PLXDC2: variants seen among roughly 807,000 people sequenced by gnomAD.
The protein encoded by PLXDC2 is plexin domain-containing protein 2.
A neutral mutation model predicts 68.9 loss-of-function variants in PLXDC2; 40 were observed. The ratio of observed to expected loss-of-function variants is 0.58; its 90% CI spans 0.45 to 0.76. The LOEUF (loss-of-function observed/expected upper bound fraction) is 0.76, where lower values mean the gene tolerates loss of function less well. Ranked by LOEUF, PLXDC2 falls within the 30% of genes least tolerant of loss-of-function variation. PLXDC2 has a pLI of 0.00. For missense variants in PLXDC2, 644 were observed against 661.9 expected (o/e 0.97, Z 0.30); for synonymous variants, 243 against 234.2 (o/e 1.04, Z -0.34).
chr10:20,067,804 A>C (rs956842264), intron 3 of PLXDC2, among the ~76,000 whole-genome samples: 30 of 152,330 alleles, frequency 2.0e-4, no homozygotes, highest in African/African-American at 6.3e-4. Flanking sequence ...TAATAATGTA[A>C]CATAAAATCT....
At chr10:20,192,179 G>A (rs976970668) in intron 9 of PLXDC2, among the ~76,000 whole-genome samples, 88 of 151,972 alleles carry the variant, frequency 5.8e-4, no homozygotes, top group African/African-American at 2.0e-3. Flanking sequence ...TTGTAGAAGA[G>A]ATGAAAAAGC....
At chr10:20,035,680 A>G (rs1393106629) in intron 2 of PLXDC2, among the ~76,000 whole-genome samples, 1 of 152,148 alleles carries the variant, frequency 6.6e-6, no homozygotes, top group Non-Finnish European at 1.5e-5. Flanking sequence ...TTGGTGACAG[A>G]GTGAGACTCT....
chr10:19,855,783 T>C (rs758951113), intron 1 of PLXDC2, among the ~76,000 whole-genome samples: 11 of 152,192 alleles, frequency 7.2e-5, no homozygotes, highest in Non-Finnish European at 1.2e-4. Flanking sequence ...AAAGCAAGTA[T>C]TCAAAAATTG....
chr10:20,215,345 T>C (rs2131861226), intron 10 of PLXDC2, among the ~76,000 whole-genome samples: 1 of 152,078 alleles, frequency 6.6e-6, no homozygotes, highest in South Asian at 2.1e-4. Flanking sequence ...AAGAGCAAGA[T>C]TGTCATAAAA....
intron 2 of PLXDC2, among the ~76,000 whole-genome samples, chr10:20,015,436 GGATTT>G (rs1280552352): frequency 2.2e-4 from 33 of 152,192 alleles, no homozygotes; most frequent in Non-Finnish European, 3.5e-4. Context: ...TTATTTCAAA[GGATTT>G]TAAAAATGAC....
intron 1 of PLXDC2, among the ~76,000 whole-genome samples, chr10:19,933,957 A>C (rs566722892): frequency 6.6e-6 from 1 of 152,288 alleles, no homozygotes; most frequent in African/African-American, 2.4e-5. Context: ...AAATGAAATT[A>C]CTTTGAGCAA....
At chr10:19,924,690 G>C (rs1833510090) in intron 1 of PLXDC2, among the ~76,000 whole-genome samples, 2 of 152,170 alleles carry the variant, frequency 1.3e-5, no homozygotes, top group Non-Finnish European at 1.5e-5. Context: ...ATTTGGAGGA[G>C]ATCTGAAAAG....
chr10:19,969,159 A>G (rs1834310029), intron 1 of PLXDC2, among the ~76,000 whole-genome samples: 1 of 152,184 alleles, frequency 6.6e-6, no homozygotes, highest in South Asian at 2.1e-4. Context: ...GGCGACACCA[A>G]AAGATCAGAA....
chr10:19,975,287 T>C (rs1035998384), intron 1 of PLXDC2, among the ~76,000 whole-genome samples: 8 of 151,764 alleles, frequency 5.3e-5, no homozygotes, highest in Non-Finnish European at 1.0e-4. Flanking sequence ...ACCCCGTCTC[T>C]ACTAAAAAAA....
chr10:19,882,982 A>C (rs1837758944), intron 1 of PLXDC2, among the ~76,000 whole-genome samples: 2 of 142,306 alleles, frequency 1.4e-5, no homozygotes, highest in Admixed American at 7.2e-5. Flanking sequence ...TTTGAGACAG[A>C]GTCTCACTTT....
chr10:20,069,377 A>G lies in PLXDC2; in HGVS notation c.541+1138A>G, dbSNP rs529324059. 2.6e-5 allele frequency among the ~76,000 whole-genome samples: 4 copies of G among 152,272 alleles called. No individual in the cohort carries two copies. The South Asian group carries it at 8.3e-4, about 32-fold the overall frequency. On this transcript the variant is annotated intron_variant, in intron 4 of 13. Transcript: ENST00000377252. ...TTGCTTAGGAAATACAAATGATGAA[A>G]TATGCCCAGGTGCAGTGGCTCATAC... is the stretch of plus-strand genomic sequence containing the variant.
intron 4 of PLXDC2, among the ~76,000 whole-genome samples, chr10:20,082,124 C>T (rs1261986351): frequency 8.4e-6 from 1 of 118,358 alleles, no homozygotes; most frequent in East Asian, 2.9e-4. Flanking sequence ...CATAAGGAAA[C>T]ATAACAGCTA....
intron 11 of PLXDC2, 143 bp from the exon 12 acceptor site, chr10:20,218,921 T>C: frequency 4.7e-6 from 4 of 843,574 alleles, no homozygotes; most frequent in Non-Finnish European, 7.2e-6. Flanking sequence ...TTGCTCTCAT[T>C]GCACTAGAAA....
intron 7 of PLXDC2, among the ~76,000 whole-genome samples, chr10:20,170,322 C>A (rs1198125174): frequency 5.9e-5 from 9 of 152,078 alleles, no homozygotes; most frequent in Non-Finnish European, 8.8e-5. Flanking sequence ...TCCCAAGTAG[C>A]TGGGATTACA....
At chr10:20,263,654 G>A (rs995714906) in intron 13 of PLXDC2, among the ~76,000 whole-genome samples, 4 of 152,016 alleles carry the variant, frequency 2.6e-5, no homozygotes. Context: ...TTAAAAAGTG[G>A]GCAAAGTGGA....
chr10:20,215,809 C>G (rs531793364), intron 10 of PLXDC2, among the ~76,000 whole-genome samples: 1 of 152,158 alleles, frequency 6.6e-6, no homozygotes, highest in South Asian at 2.1e-4. Flanking sequence ...GCTGATCATG[C>G]CTATTTATCA....
At chr10:20,018,790 G>T (rs1251775289) in intron 2 of PLXDC2, among the ~76,000 whole-genome samples, 1 of 152,000 alleles carries the variant, frequency 6.6e-6, no homozygotes, top group Non-Finnish European at 1.5e-5. Flanking sequence ...ATTGGCAAAA[G>T]ATTCAATTTT....
chr10:20,236,007 G>T (rs1835427495), intron 12 of PLXDC2, among the ~76,000 whole-genome samples: 1 of 152,076 alleles, frequency 6.6e-6, no homozygotes, highest in Non-Finnish European at 1.5e-5. Context: ...CCATGCAAAG[G>T]CTTGGCATGA....
intron 10 of PLXDC2, among the ~76,000 whole-genome samples, chr10:20,214,780 C>T (rs1229157203): frequency 6.6e-6 from 1 of 152,076 alleles, no homozygotes; most frequent in African/African-American, 2.4e-5. Flanking sequence ...TTACCTTAAA[C>T]GTAGGGTGTT....
Sources: allele counts gnomAD v4.1 joint callset (sites outside exome capture counted in the v4.1 genomes callset), GRCh38; gene constraint gnomAD v4.1.1; transcripts MANE v1.5; gene names NCBI Gene and HGNC (gene_info 2026-07-23, HGNC 2026-07-21).